Variants in PTPRD observed in about 807,000 individuals in gnomAD.
PTPRD encodes the protein protein tyrosine phosphatase receptor type D, also known as receptor-type tyrosine-protein phosphatase delta.
In PTPRD, 34 loss-of-function variants were observed where a neutral mutation model predicts 214.5. The ratio of observed to expected loss-of-function variants is 0.16; its 90% CI spans 0.12 to 0.21. PTPRD has a LOEUF of 0.21. Among genes scored for constraint, PTPRD ranks in the 10% least tolerant of loss-of-function variants. The probability of loss-of-function intolerance (pLI) is 1.00; values close to 1 mark genes in which losing one functional copy is unlikely to be tolerated. For synonymous variants in PTPRD, 1,128 were observed against 845.7 expected (o/e 1.33, Z -5.79); for missense variants, 2,545 against 2,398.7 (o/e 1.06, Z -1.27).
At chr9:10,353,152 T>C (rs2097210560) in intron 2 of PTPRD, among the ~76,000 whole-genome samples, 1 of 151,972 alleles carries the variant, frequency 6.6e-6, no homozygotes, top group African/African-American at 2.4e-5. Flanking sequence ...ATCATCTCTA[T>C]ATACTCGGCT....
chr9:8,882,857 C>T (rs2098457657), intron 11 of PTPRD, among the ~76,000 whole-genome samples: 1 of 133,290 alleles, frequency 7.5e-6, no homozygotes, highest in South Asian at 2.5e-4. Context: ...TACACTCCAG[C>T]CTGGGTGACG....
At chr9:8,944,166 A>C (rs1455847948) in intron 11 of PTPRD, among the ~76,000 whole-genome samples, 1 of 152,104 alleles carries the variant, frequency 6.6e-6, no homozygotes, top group Non-Finnish European at 1.5e-5. Context: ...AACATCACTG[A>C]TCATCAGAGA....
chr9:8,663,645 C>T (rs977562872), intron 12 of PTPRD, among the ~76,000 whole-genome samples: 2 of 152,016 alleles, frequency 1.3e-5, no homozygotes, highest in African/African-American at 4.8e-5. Context: ...GCACCTACCA[C>T]CACACCCGGC....
chr9:8,720,276 G>C (rs1226629888), intron 12 of PTPRD, among the ~76,000 whole-genome samples: 5 of 152,308 alleles, frequency 3.3e-5, no homozygotes, highest in African/African-American at 4.8e-5. Flanking sequence ...CCTTCAGCAG[G>C]GCAGTTGAGC....
chr9:9,061,600 C>T (rs2099707529), intron 10 of PTPRD, among the ~76,000 whole-genome samples: 1 of 152,076 alleles, frequency 6.6e-6, no homozygotes, highest in South Asian at 2.1e-4. Context: ...AGTTTGACTA[C>T]CCCTAAAAAT....
intron 9 of PTPRD, among the ~76,000 whole-genome samples, chr9:9,204,031 C>A (rs915273481): frequency 2.0e-5 from 3 of 152,156 alleles, no homozygotes; most frequent in African/African-American, 7.2e-5. Context: ...GAGAATTTTG[C>A]CCTGAGTGAT....
chr9:9,844,608 A>C (rs1027592760), intron 5 of PTPRD, among the ~76,000 whole-genome samples: 1 of 152,040 alleles, frequency 6.6e-6, no homozygotes, highest in African/African-American at 2.4e-5. Context: ...AATAGGGGAG[A>C]AAGGACAAAA....
intron 9 of PTPRD, among the ~76,000 whole-genome samples, chr9:9,281,555 C>T (rs957280468): frequency 6.6e-6 from 1 of 151,260 alleles, no homozygotes; most frequent in Non-Finnish European, 1.5e-5. Flanking sequence ...AATATTACTA[C>T]ACACCTATAT....
chr9:10,151,955 T>C (rs924908281), intron 3 of PTPRD, among the ~76,000 whole-genome samples: 2 of 152,230 alleles, frequency 1.3e-5, no homozygotes, highest in Non-Finnish European at 2.9e-5. Context: ...GAAGGATATT[T>C]AGGCTGTTTT....
intron 11 of PTPRD, among the ~76,000 whole-genome samples, chr9:8,841,340 GA>G (rs2097553615): frequency 6.6e-6 from 1 of 152,198 alleles, no homozygotes; most frequent in Non-Finnish European, 1.5e-5. Context: ...ACAAGGTGCT[GA>G]AAATGTCACC....
At chr9:8,727,419 T>C (rs1027195360) in intron 12 of PTPRD, among the ~76,000 whole-genome samples, 1 of 152,184 alleles carries the variant, frequency 6.6e-6, no homozygotes, top group Non-Finnish European at 1.5e-5. Flanking sequence ...GACAGCTGGA[T>C]GCTGCTAATT....
chr9:8,519,818 G>C (rs1439664714), intron 20 of PTPRD, among the ~76,000 whole-genome samples: 1 of 152,158 alleles, frequency 6.6e-6, no homozygotes, highest in Non-Finnish European at 1.5e-5. Context: ...AGTGGCAAGA[G>C]TCAGGAAAAC....
At chr9:8,426,689 C>T (rs903615724) in intron 35 of PTPRD, among the ~76,000 whole-genome samples, 4 of 151,296 alleles carry the variant, frequency 2.6e-5, no homozygotes, top group African/African-American at 9.7e-5. Flanking sequence ...AAACAGAAAA[C>T]GAGTTATGTG....
intron 3 of PTPRD, among the ~76,000 whole-genome samples, chr9:10,315,963 T>G (rs2096411206): frequency 6.6e-6 from 1 of 151,902 alleles, no homozygotes; most frequent in Non-Finnish European, 1.5e-5. Flanking sequence ...GAATCGCTTT[T>G]GGATCCAGAT....
chr9:10,234,117 G>A (rs2099621332), intron 3 of PTPRD, among the ~76,000 whole-genome samples: 1 of 151,720 alleles, frequency 6.6e-6, no homozygotes, highest in South Asian at 2.1e-4. Flanking sequence ...AGCCAAGCAT[G>A]ATGGCATACA....
intron 10 of PTPRD, among the ~76,000 whole-genome samples, chr9:9,032,305 A>G (rs2099608117): frequency 6.6e-6 from 1 of 152,078 alleles, no homozygotes; most frequent in East Asian, 1.9e-4. Flanking sequence ...ATTGCTTTTC[A>G]TGGTGTGGCA....
At chr9:9,858,391 T>C (rs2153684920) in intron 5 of PTPRD, among the ~76,000 whole-genome samples, 1 of 152,314 alleles carries the variant, frequency 6.6e-6, no homozygotes, top group African/African-American at 2.4e-5. Flanking sequence ...GCTTCAACCT[T>C]CTCTGCTCTC....
chr9:10,079,617 A>C (rs2098199359), intron 3 of PTPRD, among the ~76,000 whole-genome samples: 1 of 152,080 alleles, frequency 6.6e-6, no homozygotes, highest in Non-Finnish European at 1.5e-5. Context: ...TATTGAATTA[A>C]ATATGGTACC....
intron 10 of PTPRD, among the ~76,000 whole-genome samples, chr9:9,075,388 T>C (rs1317952205): frequency 2.0e-5 from 3 of 152,080 alleles, no homozygotes; most frequent in African/African-American, 7.2e-5. Flanking sequence ...TACTAGATAT[T>C]ATTCATTCGA....
Sources: allele counts gnomAD v4.1 joint callset (sites outside exome capture counted in the v4.1 genomes callset), GRCh38; gene constraint gnomAD v4.1.1; transcripts MANE v1.5; gene names NCBI Gene and HGNC (gene_info 2026-07-23, HGNC 2026-07-21).